LMBRD2: variants seen among roughly 807,000 people sequenced by gnomAD.
LMBRD2 encodes the protein LMBR1 domain containing 2, also known as G protein-coupled receptor-associated protein LMBRD2.
A neutral mutation model predicts 94.4 loss-of-function variants in LMBRD2; 55 were observed. The observed-to-expected ratio is 0.58, with a 90% CI of 0.47 to 0.73. The LOEUF (loss-of-function observed/expected upper bound fraction) is 0.73. LMBRD2 is among the 30% of genes least tolerant of loss of function. LMBRD2 has a pLI of 0.00. For missense variants in LMBRD2, 640 were observed against 831.9 expected, an observed-to-expected ratio of 0.77 and a Z score of 2.84; for synonymous variants, 246 against 272.4, an observed-to-expected ratio of 0.90 and a Z score of 0.95.
chr5:36,098,467 T>TTGA lies in LMBRD2; in HGVS notation c.*5576_*5578dup, dbSNP rs1439054274. On this transcript the variant is annotated 3_prime_UTR_variant, in exon 18 of 18. Coordinates refer to ENST00000296603, the MANE Select transcript of LMBRD2 (RefSeq NM_001007527.2). ...AACATTTGTCATATTTGCTAATAAA[T>TTGA]TGATAAGGAACAAAGAACGCCTGAA... 1 of 152,010 alleles carries TTGA rather than the reference T, an allele frequency of 6.6e-6. No homozygotes were observed. Among genetic ancestry groups the TTGA allele is most frequent in the Admixed American group, 6.6e-5 (1 of 15,244 alleles). 9.4% of individuals were successfully genotyped at this position (152,010 alleles called of 1,614,324 possible).
In LMBRD2 at chr5:36,122,842, A is replaced by G. The variant is rs921165697; in HGVS notation, c.936+6T>C. On this transcript the variant is annotated splice_donor_region_variant and intron_variant, in intron 8 of 17. Coordinates refer to ENST00000296603, the MANE Select transcript of LMBRD2 (RefSeq NM_001007527.2). ...TAAGTAAAATACTTATAATTAACAA[A>G]GTTACCTGTTTATGCAGTTTTACCA... The G allele has an allele frequency of 6.3e-7, 1 of 1,590,024 alleles. No homozygotes were observed. Among genetic ancestry groups the G allele is most frequent in the Non-Finnish European group, 8.5e-7 (1 of 1,172,936 alleles).
intron 9 of LMBRD2, among the ~76,000 whole-genome samples, chr5:36,118,429 AT>A (rs1345885326): frequency 1.3e-5 from 2 of 152,080 alleles, no homozygotes; most frequent in Non-Finnish European, 2.9e-5. Context: ...ATAAATATTA[AT>A]TTTTTTATTT....
chr5:36,142,559 C>G lies in LMBRD2; in HGVS notation c.215G>C (p.Ser72Thr). Reference sequence around the variant, plus strand: ...TGTAATGTTGCTATTCTCAGGAGGGCTTGAATTTGCAGCAGCATGCTTGCA... The same window carrying G: ...TGTAATGTTGCTATTCTCAGGAGGGGTTGAATTTGCAGCAGCATGCTTGCA... Reference protein sequence around the residue: ...NRCKHAAANSSPPENSNITGL... With the variant: ...NRCKHAAANSTPPENSNITGL... The change falls in exon 3 of 18, where the codon AGC becomes ACC. Residue 72 changes from serine to threonine, a missense_variant. This residue lies in a region of LMBRD2 where 457 missense variants were observed against 642.8 expected (regional missense o/e 0.71). Coordinates refer to ENST00000296603, the MANE Select transcript of LMBRD2 (RefSeq NM_001007527.2). The G allele has an allele frequency of 2.5e-6, 4 of 1,611,756 alleles. No individual in the cohort carries two copies. The highest frequency in any genetic ancestry group is 3.4e-6 in the Non-Finnish European group (4 of 1,178,008).
chr5:36,140,029 C>T (rs1744365992), intron 4 of LMBRD2, among the ~76,000 whole-genome samples: 1 of 152,196 alleles, frequency 6.6e-6, no homozygotes, highest in South Asian at 2.1e-4. Flanking sequence ...GAGCTGTGGC[C>T]CTTCCAGGAG....
intron 6 of LMBRD2, among the ~76,000 whole-genome samples, chr5:36,135,310 T>C (rs914571314): frequency 5.3e-5 from 8 of 152,196 alleles, no homozygotes; most frequent in East Asian, 1.9e-4. Context: ...ATTAAATATA[T>C]GTATAGTGCT....
intron 16 of LMBRD2, among the ~76,000 whole-genome samples, chr5:36,107,663 G>A (rs1264183746): frequency 1.3e-5 from 2 of 152,212 alleles, no homozygotes; most frequent in Non-Finnish European, 2.9e-5. Context: ...TCAAGTGTCA[G>A]ATGGTTTCTC....
At chr5:36,137,995 G>A (rs1226501960) in intron 4 of LMBRD2, among the ~76,000 whole-genome samples, 3 of 152,198 alleles carry the variant, frequency 2.0e-5, no homozygotes, top group African/African-American at 7.2e-5. Flanking sequence ...TGAGTATGGA[G>A]AATGTGAAGG....
intron 6 of LMBRD2, among the ~76,000 whole-genome samples, chr5:36,128,003 A>AC (rs1204861700): frequency 6.6e-6 from 1 of 152,184 alleles, no homozygotes; most frequent in Non-Finnish European, 1.5e-5. Context: ...AGTGATGGTG[A>AC]CCACAGGGGT....
rs1026718504 is a variant in LMBRD2, at chr5:36,102,516, C to G, written c.*1530G>C. The G allele has an allele frequency of 6.6e-6, 1 of 151,638 alleles. No individual in the cohort carries two copies. The highest frequency in any genetic ancestry group is 1.5e-5 in the Non-Finnish European group (1 of 67,752). 9.4% of individuals were successfully genotyped at this position (151,638 alleles called of 1,614,324 possible). A position where few individuals can be genotyped will look rare whatever the true frequency, so the allele number is the denominator to read the frequency against. ...ATATGACCTTCAATTCAGAGTAAGTCTATCCACTGATAATTATTTTAAAAG... is the reference window on the plus strand; with the variant it reads ...ATATGACCTTCAATTCAGAGTAAGTGTATCCACTGATAATTATTTTAAAAG... On this transcript the variant is annotated 3_prime_UTR_variant, in exon 18 of 18. Transcript: ENST00000296603.
chr5:36,099,174 A>C lies in LMBRD2; in HGVS notation c.*4872T>G, dbSNP rs772449385. The C allele has an allele frequency of 5.3e-5, 8 of 152,088 alleles. No homozygotes were observed. The highest frequency in any genetic ancestry group is 2.0e-4 in the Admixed American group (3 of 15,254). 9.4% of individuals were successfully genotyped at this position (152,088 alleles called of 1,614,324 possible). ...CTACTGAACTTTAGAATACTGTCCT[A>C]AGGAAATAGGTCTGGGCAGAACTTA... On this transcript the variant is annotated 3_prime_UTR_variant, in exon 18 of 18. Coordinates refer to ENST00000296603, the MANE Select transcript of LMBRD2 (RefSeq NM_001007527.2).
At chr5:36,143,909 G>GT (rs1170876669) in intron 1 of LMBRD2, among the ~76,000 whole-genome samples, 3 of 151,712 alleles carry the variant, frequency 2.0e-5, no homozygotes, top group Admixed American at 2.0e-4. Context: ...GTAACCTTTT[G>GT]TTTTTTGAAA....
Position 36,101,603 on chromosome 5 carries a change from C to T in LMBRD2, c.*2443G>A, listed in dbSNP as rs1010002319. ...GCTTGACAAATATTAACTTGGTTCC[C>T]CAGCAATAAACTGAGTCTTCCAGGG... On this transcript the variant is annotated 3_prime_UTR_variant, in exon 18 of 18. Transcript: ENST00000296603. The T allele has an allele frequency of 6.6e-6, 1 of 151,834 alleles. No homozygotes were observed. The highest frequency in any genetic ancestry group is 1.5e-5 in the Non-Finnish European group (1 of 67,818). 9.4% of individuals were successfully genotyped at this position (151,834 alleles called of 1,614,324 possible). A position where few individuals can be genotyped will look rare whatever the true frequency, so the allele number is the denominator to read the frequency against.
chr5:36,126,136 CTT>C (rs1240575790), intron 6 of LMBRD2, among the ~76,000 whole-genome samples: 1 of 152,124 alleles, frequency 6.6e-6, no homozygotes. Flanking sequence ...CAAGATAAGA[CTT>C]GGGTTTTTAA....
chr5:36,117,939 G>C (rs763187992), intron 9 of LMBRD2, 23 bp from the exon 10 acceptor site: 4 of 1,549,706 alleles, frequency 2.6e-6, no homozygotes, highest in East Asian at 4.5e-5. Flanking sequence ...AGAAAAAAAT[G>C]ATTAGGAAAA....
rs559787753 is a variant in LMBRD2 at position 36,135,681 on chromosome 5, C to A, written c.747+628G>T. On this transcript the variant is annotated intron_variant, in intron 6 of 17. Transcript: ENST00000296603. Reference sequence around the variant, plus strand: ...GGGAAGCAAAAATGTGAGGTGACTACAATAATCTCTTTAAATCCATAACAA... The same window carrying A: ...GGGAAGCAAAAATGTGAGGTGACTAAAATAATCTCTTTAAATCCATAACAA... 1.6e-3 allele frequency among the ~76,000 whole-genome samples: 237 copies of A among 152,200 alleles called. 1 individual carries two copies. The highest frequency in any genetic ancestry group is 2.5e-3 in the South Asian group (12 of 4,822).
intron 1 of LMBRD2, among the ~76,000 whole-genome samples, chr5:36,146,808 A>G (rs1744551463): frequency 6.6e-6 from 1 of 152,144 alleles, no homozygotes; most frequent in South Asian, 2.1e-4. Context: ...TTTAAATTGT[A>G]TATATTTAAA....
intron 4 of LMBRD2, 122 bp downstream of exon 4, chr5:36,140,985 A>G: frequency 3.4e-6 from 2 of 587,432 alleles, no homozygotes; most frequent in East Asian, 6.0e-5. Context: ...AAAGATAAAA[A>G]TAATGGGTAG....
intron 16 of LMBRD2, among the ~76,000 whole-genome samples, chr5:36,106,783 C>T (rs767683289): frequency 8.5e-5 from 13 of 152,092 alleles, no homozygotes; most frequent in East Asian, 3.9e-4. Flanking sequence ...CATAAGCCAC[C>T]GCGCCTGGCC....
intron 7 of LMBRD2, among the ~76,000 whole-genome samples, chr5:36,123,409 T>C (rs141279880): frequency 6.6e-6 from 1 of 152,266 alleles, no homozygotes; most frequent in African/African-American, 2.4e-5. Context: ...ACTTATTACC[T>C]ATATGAACTT....
Sources: allele counts gnomAD v4.1 joint callset (sites outside exome capture counted in the v4.1 genomes callset), GRCh38; gene constraint gnomAD v4.1.1; regional missense constraint gnomAD v4.1.1; transcripts MANE v1.5; gene names NCBI Gene and HGNC (gene_info 2026-07-23, HGNC 2026-07-21).